The following HCRTR2 variants were observed in gnomAD, a reference collection of about 807,000 sequenced individuals.
HCRTR2 encodes orexin receptor type 2.
Under a neutral mutation model 49.0 loss-of-function variants are expected in HCRTR2, and 22 were observed. That is an observed-to-expected ratio of 0.45 (90% confidence interval 0.32 to 0.64). The LOEUF (loss-of-function observed/expected upper bound fraction) is 0.64, where lower values mean the gene tolerates loss of function less well. Ranked by LOEUF, HCRTR2 falls within the 30% of genes least tolerant of loss-of-function variation. The probability of loss-of-function intolerance (pLI) is 0.04; values close to 1 mark genes in which losing one functional copy is unlikely to be tolerated. For synonymous variants in HCRTR2, 236 were observed against 205.3 expected, an observed-to-expected ratio of 1.15 and a Z score of -1.28; for missense variants, 491 against 559.4, an observed-to-expected ratio of 0.88 and a Z score of 1.23.
intron 1 of HCRTR2, among the ~76,000 whole-genome samples, chr6:55,137,662 A>G (rs1316264541): frequency 1.3e-5 from 2 of 152,136 alleles, no homozygotes; most frequent in African/African-American, 4.8e-5. Context: ...GTGGAAAAAG[A>G]GTGATCTGTA....
intron 1 of HCRTR2, among the ~76,000 whole-genome samples, chr6:55,122,502 C>T (rs1415363429): frequency 5.3e-5 from 8 of 152,066 alleles, no homozygotes; most frequent in Admixed American, 1.3e-4. Context: ...TTGTCTTCTG[C>T]TAGCTTTTGA....
Position 55,152,715 on chromosome 6 carries a change from A to G in HCRTR2, c.-377-21496A>G, listed in dbSNP as rs538831900. On this transcript the variant is annotated intron_variant, in intron 1 of 7. Transcript: ENST00000615358. ...CTCTGAAGTCCCTTCGAAAAGTAAA[A>G]TAATCCCATTCACAAGGGCAAAGCT... is the stretch of plus-strand genomic sequence containing the variant. Among the ~76,000 whole-genome samples the G allele has an allele frequency of 3.3e-5, 5 of 152,104 alleles. No homozygotes were observed. In the South Asian group the frequency reaches 1.0e-3, roughly 32 times the overall value.
At chr6:55,223,250 C>G (rs1765932388) in intron 1 of HCRTR2, among the ~76,000 whole-genome samples, 1 of 152,132 alleles carries the variant, frequency 6.6e-6, no homozygotes, top group Non-Finnish European at 1.5e-5. Context: ...GCAGCTGTAT[C>G]TATGTGATGC....
chr6:55,263,980 T>G, intron 4 of HCRTR2, 158 bp downstream of exon 4: 1 of 645,462 alleles, frequency 1.5e-6, no homozygotes, highest in African/African-American at 1.8e-5. Flanking sequence ...CATAAAAGTA[T>G]TATATTGTGT....
intron 1 of HCRTR2, among the ~76,000 whole-genome samples, chr6:55,219,480 G>GAAATGTTTCAAGATAAATGA (rs1228776068): frequency 6.6e-6 from 1 of 152,026 alleles, no homozygotes; most frequent in East Asian, 1.9e-4. Context: ...AGGGATATTT[G>GAAATGTTTCAAGATAAATGA]AAATGTTTCA....
intron 4 of HCRTR2, among the ~76,000 whole-genome samples, chr6:55,273,064 C>T (rs910867090): frequency 4.0e-5 from 6 of 151,738 alleles, no homozygotes; most frequent in East Asian, 1.9e-4. Context: ...TTACAGTCCT[C>T]GTTATAAGAA....
intron 1 of HCRTR2, among the ~76,000 whole-genome samples, chr6:55,155,116 G>A (rs147626638): frequency 0.016 from 2,381 of 151,722 alleles, 27 homozygotes; most frequent in Non-Finnish European, 0.023. Flanking sequence ...CCATGGTTTG[G>A]AAGAATTAAT....
At chr6:55,267,376 G>A (rs1766879206) in intron 4 of HCRTR2, among the ~76,000 whole-genome samples, 1 of 148,730 alleles carries the variant, frequency 6.7e-6, no homozygotes, top group African/African-American at 2.5e-5. Context: ...ATGCATTGCT[G>A]TGAACTACTT....
At chr6:55,272,707 C>T (rs750848152) in intron 4 of HCRTR2, among the ~76,000 whole-genome samples, 2 of 151,554 alleles carry the variant, frequency 1.3e-5, no homozygotes, top group East Asian at 3.9e-4. Context: ...GAATTATCCA[C>T]GGGTTGTTTT....
intron 1 of HCRTR2, among the ~76,000 whole-genome samples, chr6:55,197,769 C>T (rs1011504206): frequency 1.3e-5 from 2 of 152,040 alleles, no homozygotes; most frequent in African/African-American, 4.8e-5. Flanking sequence ...CTACAGGTGC[C>T]CGCCACCATG....
intron 1 of HCRTR2, among the ~76,000 whole-genome samples, chr6:55,221,020 C>T (rs1765880129): frequency 6.6e-6 from 1 of 151,924 alleles, no homozygotes; most frequent in Admixed American, 6.6e-5. Flanking sequence ...ACACTGAAAA[C>T]CATAAAAGCA....
At chr6:55,216,985 G>A (rs1022473978) in intron 1 of HCRTR2, among the ~76,000 whole-genome samples, 1 of 152,160 alleles carries the variant, frequency 6.6e-6, no homozygotes, top group Non-Finnish European at 1.5e-5. Context: ...TTAGCACCAG[G>A]TGGACACTGC....
chr6:55,163,188 G>T (rs574669049), intron 1 of HCRTR2, among the ~76,000 whole-genome samples: 1 of 151,904 alleles, frequency 6.6e-6, no homozygotes, highest in African/African-American at 2.4e-5. Context: ...AATGAGCCAA[G>T]ATCCTGTCAC....
Position 55,241,203 on chromosome 6 carries a change from ATGAGTGAGAATATGCGGTGTT to A in HCRTR2, c.224-7433_224-7413del, listed in dbSNP as rs577858884. On this transcript the variant is annotated intron_variant, in intron 1 of 6. Transcript: ENST00000370862. ...TGTTCTCATTGTTCAATTCCCACCT[ATGAGTGAGAATATGCGGTGTT>A]TGGTTTTTTGTTCTTGCGATAGTTT... Among the ~76,000 whole-genome samples the A allele has an allele frequency of 1.2e-3, 176 of 140,944 alleles. 1 individual carries two copies. The highest frequency in any genetic ancestry group is 2.1e-3 in the Non-Finnish European group (138 of 66,556). The allele number at this position is 140,944 out of a possible 152,430, so 92.5% of individuals were successfully genotyped here. A position where few individuals can be genotyped will look rare whatever the true frequency, so the allele number is the denominator to read the frequency against.
intron 1 of HCRTR2, 21 bp downstream of exon 1, chr6:55,174,831 C>A: frequency 1.3e-6 from 2 of 1,599,646 alleles, no homozygotes; most frequent in East Asian, 2.2e-5. Flanking sequence ...TCCCGGGCAG[C>A]CCTCCTAGGG....
At chr6:55,213,560 T>G (rs554299077) in intron 1 of HCRTR2, among the ~76,000 whole-genome samples, 1 of 152,106 alleles carries the variant, frequency 6.6e-6, no homozygotes, top group East Asian at 1.9e-4. Flanking sequence ...GTATCTCAGA[T>G]GAGTGCAAAG....
intron 1 of HCRTR2, among the ~76,000 whole-genome samples, chr6:55,110,400 G>T (rs1205266997): frequency 1.3e-5 from 2 of 151,924 alleles, no homozygotes; most frequent in Non-Finnish European, 2.9e-5. Flanking sequence ...AGTGTAAATG[G>T]CCTAAAGGCT....
rs367595494 is a variant in HCRTR2 at position 55,250,439 on chromosome 6, C to T, written c.402+1622C>T. On this transcript the variant is annotated intron_variant, in intron 2 of 6. Coordinates refer to ENST00000370862, the MANE Select transcript of HCRTR2 (RefSeq NM_001384272.1). Reference sequence around the variant, plus strand: ...ACCTCTCTTGGTTTCAATAACTACCCAGGAGAATATTTTGAGGATTCTCTT... The same window carrying T: ...ACCTCTCTTGGTTTCAATAACTACCTAGGAGAATATTTTGAGGATTCTCTT... 2.6e-5 allele frequency among the ~76,000 whole-genome samples: 4 copies of T among 152,088 alleles called. No individual in the cohort carries two copies. The East Asian group carries it at 5.8e-4, about 22-fold the overall frequency.
intron 1 of HCRTR2, among the ~76,000 whole-genome samples, chr6:55,246,495 C>T (rs1766445947): frequency 6.6e-6 from 1 of 151,832 alleles, no homozygotes; most frequent in Non-Finnish European, 1.5e-5. Flanking sequence ...GGTGATTATT[C>T]ATGCATCAGA....
Sources: gnomAD v4.1 joint callset for allele counts (sites outside exome capture counted in the v4.1 genomes callset) on GRCh38, gnomAD v4.1.1 for gene constraint, MANE v1.5 for transcripts, NCBI Gene and HGNC (gene_info 2026-07-23, HGNC 2026-07-21) for gene names.